MTMR12: variants seen among roughly 807,000 people sequenced by gnomAD.
The protein encoded by MTMR12 is myotubularin-related protein 12.
Under a neutral mutation model 96.7 loss-of-function variants are expected in MTMR12, and 33 were observed. The observed-to-expected ratio is 0.34, with a 90% CI of 0.26 to 0.46. The LOEUF (loss-of-function observed/expected upper bound fraction) is 0.46. MTMR12 is among the 20% of genes least tolerant of loss of function. The pLI is 1.00. For synonymous variants in MTMR12, 298 were observed against 327.2 expected (o/e 0.91, Z 0.96); for missense variants, 721 against 896.1 (o/e 0.80, Z 2.49).
chr5:32,269,452 C>T lies in MTMR12; in HGVS notation c.490-658G>A, dbSNP rs186165000. On this transcript the variant is annotated intron_variant, in intron 5 of 15. Coordinates refer to ENST00000382142, the MANE Select transcript of MTMR12 (RefSeq NM_001040446.3). The stretch of plus-strand genomic sequence containing the variant: ...CTGAGTAGCTGCGATTATAGGCATG[C>T]GCCACCACGCCCGGCTAATTTTTTG... 5.2e-3 allele frequency among the ~76,000 whole-genome samples: 785 copies of T among 151,964 alleles called. 12 individuals carry two copies. The highest frequency in any genetic ancestry group is 0.018 in the African/African-American group (752 of 41,420).
Position 32,235,017 on chromosome 5 carries a change from A to G in MTMR12, c.1457T>C (p.Ile486Thr), listed in dbSNP as rs760878444. 1.9e-6 allele frequency: 3 copies of G among 1,613,974 alleles called. No individual in the cohort carries two copies. Among genetic ancestry groups the G allele is most frequent in the Middle Eastern group, 3.3e-4 (2 of 6,062 alleles). ...GAAGAAGAAGGTGCTAAAAATAGGT[A>G]TATACAGGCTATCTGACAAAACAGT... ...YLTVLSDSLY[I>T]PIFSTFFFNS... Residue 486 changes from isoleucine to threonine, a missense_variant, in exon 14 of 16, where the codon ATA becomes ACA. Coordinates refer to ENST00000382142, the MANE Select transcript of MTMR12 (RefSeq NM_001040446.3).
At chr5:32,269,477 G>A (rs1305700820) in intron 5 of MTMR12, among the ~76,000 whole-genome samples, 2 of 151,968 alleles carry the variant, frequency 1.3e-5, no homozygotes, top group Non-Finnish European at 2.9e-5. Flanking sequence ...CTAATTTTTT[G>A]TATTTTTAGT....
intron 6 of MTMR12, among the ~76,000 whole-genome samples, chr5:32,268,171 C>G (rs897703588): frequency 6.6e-6 from 1 of 151,996 alleles, no homozygotes; most frequent in Non-Finnish European, 1.5e-5. Context: ...ATCAAACAAT[C>G]CCTTGCAAAA....
chr5:32,302,165 G>A (rs1181012556), intron 1 of MTMR12, among the ~76,000 whole-genome samples: 1 of 152,182 alleles, frequency 6.6e-6, no homozygotes, highest in Non-Finnish European at 1.5e-5. Flanking sequence ...CACCAGCCAG[G>A]CCTATAGGAA....
In MTMR12 at chr5:32,312,179, C is replaced by G. The variant is rs566337300; in HGVS notation, c.81+579G>C. Among the ~76,000 whole-genome samples, 1 of 152,318 alleles carries G rather than the reference C, an allele frequency of 6.6e-6. No individual in the cohort carries two copies. The highest frequency in any genetic ancestry group is 6.5e-5 in the Admixed American group (1 of 15,308). On this transcript the variant is annotated intron_variant, in intron 1 of 15. Transcript: ENST00000382142. The surrounding 1 kb of genome is among the most constrained non-coding windows in gnomAD (Gnocchi z 5.0). ...TGGTGAGGGGATGAGGAGAAAGAAGCGACAGCGGAGAATTCCCAAGGGAGA... is the reference window on the plus strand; with the variant it reads ...TGGTGAGGGGATGAGGAGAAAGAAGGGACAGCGGAGAATTCCCAAGGGAGA...
At chr5:32,287,956 A>G (rs757481175) in intron 1 of MTMR12, among the ~76,000 whole-genome samples, 5 of 152,078 alleles carry the variant, frequency 3.3e-5, no homozygotes, top group Non-Finnish European at 7.4e-5. Context: ...CAGGGATTCT[A>G]CCTCCTGGGT....
intron 5 of MTMR12, 73 bp downstream of exon 5, chr5:32,270,744 C>A: frequency 1.3e-6 from 2 of 1,501,392 alleles, no homozygotes; most frequent in Non-Finnish European, 1.8e-6. Flanking sequence ...CTTCATGCAA[C>A]GTAAGCAAAA....
chr5:32,254,022 G>A (rs899201565), intron 8 of MTMR12, among the ~76,000 whole-genome samples: 6 of 152,230 alleles, frequency 3.9e-5, no homozygotes, highest in Non-Finnish European at 8.8e-5. Context: ...CTAGAATGCA[G>A]AGTATCTACA....
intron 10 of MTMR12, among the ~76,000 whole-genome samples, chr5:32,245,551 G>A (rs1312376766): frequency 6.6e-6 from 1 of 152,104 alleles, no homozygotes; most frequent in Non-Finnish European, 1.5e-5. Context: ...CTTATGGCTG[G>A]GCATGGTGGC....
chr5:32,229,825 C>T lies in MTMR12; in HGVS notation c.2197G>A (p.Asp733Asn), dbSNP rs763754119. The change falls in exon 16 of 16, where the codon GAT (aspartate) becomes AAT (asparagine). Residue 733 changes from aspartate (D) to asparagine (N), a missense_variant. By Grantham distance (23) the Asp-to-Asn change is conservative. Coordinates refer to ENST00000382142, the MANE Select transcript of MTMR12 (RefSeq NM_001040446.3). ...AACTCATCTTCTCGTTTGGCCAAAT[C>T]GTCTTCATCTCCCAAAGCTTTCCAG... ...SGWKALGDEDDLAKREDEFVD... is the reference protein window; with the variant it reads ...SGWKALGDEDNLAKREDEFVD... The T allele has an allele frequency of 3.4e-5, 54 of 1,574,550 alleles. No homozygotes were observed. In the Admixed American group the frequency reaches 7.4e-4, roughly 22 times the overall value.
intron 1 of MTMR12, among the ~76,000 whole-genome samples, chr5:32,292,827 A>C (rs190709919): frequency 6.6e-6 from 1 of 152,386 alleles, no homozygotes; most frequent in Non-Finnish European, 1.5e-5. Context: ...TAGTAGAAGA[A>C]GGCAGTCATC....
intron 10 of MTMR12, chr5:32,247,801 G>C (rs116472888): frequency 0.023 from 22,806 of 984,540 alleles, 273 homozygotes; most frequent in Non-Finnish European, 0.026. Context: ...CCACAATAAG[G>C]AGGCGGGGAG....
At chr5:32,267,503 C>T (rs537515112) in intron 6 of MTMR12, among the ~76,000 whole-genome samples, 16 of 152,078 alleles carry the variant, frequency 1.1e-4, no homozygotes, top group Non-Finnish European at 2.1e-4. Context: ...ATGGCTAATT[C>T]AGATGACCAG....
At chr5:32,251,847 G>C (rs1045864798) in intron 8 of MTMR12, among the ~76,000 whole-genome samples, 1 of 152,220 alleles carries the variant, frequency 6.6e-6, no homozygotes, top group Admixed American at 6.5e-5. Flanking sequence ...AGGAGGCTGA[G>C]TAGAAGGAAG....
chr5:32,289,711 G>C (rs1750673471), intron 1 of MTMR12, among the ~76,000 whole-genome samples: 1 of 152,196 alleles, frequency 6.6e-6, no homozygotes, highest in Admixed American at 6.5e-5. Context: ...TATTTCCCCA[G>C]TGGCAGAATG....
chr5:32,251,815 C>T (rs941317788), intron 8 of MTMR12, among the ~76,000 whole-genome samples: 24 of 152,222 alleles, frequency 1.6e-4, no homozygotes, highest in Middle Eastern at 3.4e-3. Flanking sequence ...ATGAAGGAAA[C>T]GGGAGCCCAG....
At chr5:32,257,887 C>T (rs1240704003) in intron 7 of MTMR12, among the ~76,000 whole-genome samples, 1 of 152,024 alleles carries the variant, frequency 6.6e-6, no homozygotes, top group East Asian at 1.9e-4. Context: ...GGCAACACGG[C>T]AAAATCCCCC....
chr5:32,245,517 G>T (rs116104074), intron 10 of MTMR12, among the ~76,000 whole-genome samples: 138 of 152,128 alleles, frequency 9.1e-4, no homozygotes, highest in African/African-American at 3.3e-3. Flanking sequence ...CTACAAAAGC[G>T]TTGGCCAACT....
chr5:32,297,842 A>G (rs1402652952), intron 1 of MTMR12, among the ~76,000 whole-genome samples: 1 of 152,218 alleles, frequency 6.6e-6, no homozygotes, highest in African/African-American at 2.4e-5. Context: ...TGATCTCACC[A>G]AACAGTTAAC....
Sources: allele counts gnomAD v4.1 joint callset (sites outside exome capture counted in the v4.1 genomes callset), GRCh38; gene constraint gnomAD v4.1.1; non-coding constraint Gnocchi (gnomAD v3.1); transcripts MANE v1.5; gene names NCBI Gene and HGNC (gene_info 2026-07-23, HGNC 2026-07-21).